The following CEP95 variants were observed in gnomAD, a reference collection of about 807,000 sequenced individuals.
CEP95 encodes the protein centrosomal protein 95, also known as centrosomal protein of 95 kDa.
A neutral mutation model predicts 111.2 loss-of-function variants in CEP95; 98 were observed. The ratio of observed to expected loss-of-function variants is 0.88; its 90% CI spans 0.75 to 1.04. CEP95 has a LOEUF of 1.04. CEP95 is among the 50% of genes least tolerant of loss of function. CEP95 has a pLI of 0.00. For synonymous variants in CEP95, 323 were observed against 327.1 expected (o/e 0.99, Z 0.14); for missense variants, 1,027 against 977.2 (o/e 1.05, Z -0.68).
chr17:64,517,558 T>A (rs1966965087), intron 5 of CEP95, among the ~76,000 whole-genome samples: 1 of 152,070 alleles, frequency 6.6e-6, no homozygotes. Context: ...GCTTTTTTAA[T>A]AAAGAGACAG....
chr17:64,521,573 T>G, intron 7 of CEP95, 46 bp downstream of exon 7: 1 of 1,576,592 alleles, frequency 6.3e-7, no homozygotes, highest in South Asian at 1.2e-5. Context: ...TGATCATTCT[T>G]GGGGCAATTG....
intron 1 of CEP95, chr17:64,507,517 GATTT>G: frequency 6.2e-6 from 7 of 1,136,692 alleles, no homozygotes; most frequent in Non-Finnish European, 7.6e-6. Context: ...GCATTCTTAA[GATTT>G]ATTATGCCCC....
At chr17:64,516,911 A>G in intron 5 of CEP95, 83 bp downstream of exon 5, 3 of 732,982 alleles carry the variant, frequency 4.1e-6, no homozygotes, top group South Asian at 4.1e-5. Context: ...ATATACCAAG[A>G]TGGCACCAAA....
chr17:64,523,241 G>A (rs1967508993), intron 8 of CEP95, among the ~76,000 whole-genome samples: 1 of 152,106 alleles, frequency 6.6e-6, no homozygotes, highest in Admixed American at 6.5e-5. Flanking sequence ...TAGGGGTATT[G>A]AATAATTTAC....
chr17:64,512,884 A>G (rs557102756), intron 3 of CEP95, among the ~76,000 whole-genome samples: 1 of 152,310 alleles, frequency 6.6e-6, no homozygotes, highest in East Asian at 1.9e-4. Flanking sequence ...TAAACATACT[A>G]TAGCAGGGTT....
chr17:64,509,949 C>T (rs963709998), intron 2 of CEP95, among the ~76,000 whole-genome samples: 1 of 151,934 alleles, frequency 6.6e-6, no homozygotes, highest in Non-Finnish European at 1.5e-5. Flanking sequence ...CCGTATTCAA[C>T]CAGTCTAATA....
intron 5 of CEP95, among the ~76,000 whole-genome samples, chr17:64,517,194 G>A (rs1230597602): frequency 1.3e-5 from 2 of 151,900 alleles, no homozygotes; most frequent in African/African-American, 2.4e-5. Flanking sequence ...TTACAGGCAC[G>A]CGCCACCATG....
intron 6 of CEP95, 48 bp downstream of exon 6, chr17:64,519,484 T>A: frequency 7.5e-7 from 1 of 1,335,326 alleles, no homozygotes; most frequent in Admixed American, 1.7e-5. Context: ...CATACAACTA[T>A]AAAAATGTAA....
At chr17:64,527,315 G>A in intron 11 of CEP95, 51 bp downstream of exon 11, 2 of 1,407,710 alleles carry the variant, frequency 1.4e-6, no homozygotes, top group Non-Finnish European at 1.9e-6. Flanking sequence ...GAACTACTTA[G>A]GCAGTTCCAT....
At chr17:64,507,735 G>T (rs765601180) in intron 1 of CEP95, 1 of 985,848 alleles carries the variant, frequency 1.0e-6, no homozygotes, top group Non-Finnish European at 1.2e-6. Context: ...TGGGGAGGGG[G>T]ATTATGTGCA....
chr17:64,519,221 A>G (rs1967120081), intron 5 of CEP95, 100 bp from the exon 6 acceptor site: 1 of 710,996 alleles, frequency 1.4e-6, no homozygotes, highest in Non-Finnish European at 2.5e-6. Flanking sequence ...AGCAAAAGGG[A>G]GAGTCTTTTC....
rs1228752938 is a variant in CEP95 at position 64,516,761 on chromosome 17, G to C, written c.406G>C (p.Glu136Gln). ...EQYFKESDRGERLEEPESTKE... is the reference protein window; with the variant it reads ...EQYFKESDRGQRLEEPESTKE... ...GTATTTTAAAGAATCTGATCGAGGA[G>C]AACGTTTGGAAGAGCCAGAAAGTAC... Residue 136 changes from glutamate (E) to glutamine (Q), a missense_variant, in exon 5 of 20, where the codon GAA (glutamate) becomes CAA (glutamine). By Grantham distance (29) the Glu-to-Gln change is conservative. Transcript: ENST00000556440. The C allele has an allele frequency of 1.3e-5, 21 of 1,612,610 alleles. No homozygotes were observed. The highest frequency in any genetic ancestry group is 1.7e-5 in the Non-Finnish European group (20 of 1,178,832).
intron 5 of CEP95, among the ~76,000 whole-genome samples, chr17:64,518,882 A>G (rs1157038596): frequency 6.6e-6 from 1 of 152,158 alleles, no homozygotes. Context: ...GGGTTTCACT[A>G]TGTTGGCCAG....
chr17:64,511,477 G>T (rs2038891450), intron 3 of CEP95, among the ~76,000 whole-genome samples: 1 of 152,202 alleles, frequency 6.6e-6, no homozygotes, highest in Non-Finnish European at 1.5e-5. Context: ...TGAAAGAAAA[G>T]AAATATGGCT....
Position 64,526,097 on chromosome 17 carries a change from C to T in CEP95, c.1049C>T (p.Ser350Phe). Residue 350 changes from serine (S) to phenylalanine (F), a missense_variant, in exon 10 of 20, where the codon TCC becomes TTC. Physicochemically the swap from Ser to Phe is radical, Grantham distance 155 (BLOSUM62 -2). Coordinates refer to ENST00000556440, the MANE Select transcript of CEP95 (RefSeq NM_138363.3). ...KRNENRATAS[S>F]CNSPFPQRPR... ...AATGAAAACAGAGCTACAGCCTCAT[C>T]CTGCAATTCACCTTTCCCCCAGAGG... The T allele has an allele frequency of 1.2e-6, 2 of 1,613,714 alleles. No homozygotes were observed. Among genetic ancestry groups the T allele is most frequent in the Non-Finnish European group, 1.7e-6 (2 of 1,179,774 alleles).
At chr17:64,512,106 G>A (rs557979355) in intron 3 of CEP95, among the ~76,000 whole-genome samples, 65 of 152,312 alleles carry the variant, frequency 4.3e-4, no homozygotes, top group African/African-American at 1.2e-3. Context: ...TGTGCACAAT[G>A]TTCCGTGTTG....
chr17:64,536,605 T>C lies in CEP95; in HGVS notation c.2074T>C (p.Phe692Leu), dbSNP rs1555681568. ...MRMRTREEMI[F>L]KKLFEEGLNI... is the part of the protein sequence containing the mutation. Reference sequence around the variant, plus strand: ...TTTACGATTAAATAACTGACAGATATTTAAGAAACTGTTTGAAGAAGGTTT... The same window carrying C: ...TTTACGATTAAATAACTGACAGATACTTAAGAAACTGTTTGAAGAAGGTTT... The change falls in exon 18 of 20, where the codon TTT (phenylalanine) becomes CTT (leucine). Residue 692 changes from phenylalanine (F) to leucine (L), a missense_variant. Transcript: ENST00000556440. 1.3e-6 allele frequency: 2 copies of C among 1,591,518 alleles called. No individual in the cohort carries two copies. The highest frequency in any genetic ancestry group is 8.5e-7 in the Non-Finnish European group (1 of 1,171,942).
chr17:64,532,176 T>C, intron 14 of CEP95, 154 bp downstream of exon 14: 2 of 1,352,726 alleles, frequency 1.5e-6, no homozygotes, highest in South Asian at 2.1e-5. Flanking sequence ...TGGTTTTCCG[T>C]AGAGGGCTAA....
chr17:64,511,396 C>T (rs192367087), intron 3 of CEP95, among the ~76,000 whole-genome samples: 40 of 152,276 alleles, frequency 2.6e-4, no homozygotes, highest in Middle Eastern at 3.4e-3. Flanking sequence ...TGCCCCCAGG[C>T]GTGTATTCTC....
Sources: gnomAD v4.1 joint callset for allele counts (sites outside exome capture counted in the v4.1 genomes callset) on GRCh38, gnomAD v4.1.1 for gene constraint, MANE v1.5 for transcripts, NCBI Gene and HGNC (gene_info 2026-07-23, HGNC 2026-07-21) for gene names.